The following LMNTD1 variants were observed in gnomAD, a reference collection of about 807,000 sequenced individuals.
The protein encoded by LMNTD1 is lamin tail domain containing 1.
Under a neutral mutation model 50.9 loss-of-function variants are expected in LMNTD1, and 35 were observed. The ratio of observed to expected loss-of-function variants is 0.69; its 90% CI spans 0.53 to 0.91. The LOEUF (loss-of-function observed/expected upper bound fraction) is 0.91. LMNTD1 is among the 40% of genes least tolerant of loss of function. LMNTD1 has a pLI of 0.00. For synonymous variants in LMNTD1, 153 were observed against 161.9 expected (o/e 0.94, Z 0.42); for missense variants, 470 against 475.5 (o/e 0.99, Z 0.11).
At chr12:25,478,659 C>T (rs1938347046) in intron 9 of LMNTD1, among the ~76,000 whole-genome samples, 1 of 152,078 alleles carries the variant, frequency 6.6e-6, no homozygotes, top group African/African-American at 2.4e-5. Context: ...TTCGTGGGTA[C>T]CGTGTAATCC....
rs1943632660 is a variant in LMNTD1, at chr12:25,549,495, C to T, written c.141G>A (p.Met47Ile). 1.9e-6 allele frequency: 3 copies of T among 1,613,018 alleles called. No homozygotes were observed. Among genetic ancestry groups the T allele is most frequent in the Admixed American group, 1.7e-5 (1 of 59,960 alleles). Reference sequence around the variant, plus strand: ...GCAGTGTTGTGGCAACTGAACCCAACATCTTTGGGGAAAAATGTACTAAAG... The same window carrying T: ...GCAGTGTTGTGGCAACTGAACCCAATATCTTTGGGGAAAAATGTACTAAAG... ...VYSLVHFSPKMLGSVATTLPL... is the reference protein window; with the variant it reads ...VYSLVHFSPKILGSVATTLPL... The change falls in exon 3 of 10, where the codon ATG becomes ATA. Residue 47 changes from methionine (M) to isoleucine (I), a missense_variant. By Grantham distance (10) the Met-to-Ile change is conservative (BLOSUM62 1). Transcript: ENST00000458174.
chr12:25,603,327 T>C (rs1212986356), intron 1 of LMNTD1, among the ~76,000 whole-genome samples: 1 of 152,082 alleles, frequency 6.6e-6, no homozygotes, highest in African/African-American at 2.4e-5. Flanking sequence ...CTCACTGTGT[T>C]GCCCAGGCCG....
chr12:25,623,278 G>A (rs964838369), intron 1 of LMNTD1, among the ~76,000 whole-genome samples: 8 of 151,802 alleles, frequency 5.3e-5, no homozygotes, highest in East Asian at 1.9e-4. Flanking sequence ...GGTCAGGCAC[G>A]GTGGCTCATG....
rs1377896978 is a variant in LMNTD1, at chr12:25,518,871, T to C, written c.1113A>G (p.Pro371=). 6.2e-7 allele frequency: 1 copy of C among 1,614,048 alleles called. No homozygotes were observed. Among genetic ancestry groups the C allele is most frequent in the Middle Eastern group, 1.6e-4 (1 of 6,062 alleles). The change falls in exon 8 of 10, where the codon CCA becomes CCG. Residue 371 remains proline (P), a synonymous_variant. Coordinates refer to ENST00000458174, the MANE Select transcript of LMNTD1 (RefSeq NM_001145728.2). ...SAHPYCPLIE[P]HNTSTAGGRL... ...TGCCTCCAGCGGTGGATGTATTGTG[T>C]GGTTCAATCAGAGGACAGTAAGGAT...
At chr12:25,615,512 A>C (rs1205759281) in intron 1 of LMNTD1, among the ~76,000 whole-genome samples, 1 of 151,450 alleles carries the variant, frequency 6.6e-6, no homozygotes, top group Non-Finnish European at 1.5e-5. Context: ...CCCAGGTTGC[A>C]GTAGAGTGGC....
At chr12:25,572,478 C>G (rs1944835648) in intron 1 of LMNTD1, among the ~76,000 whole-genome samples, 1 of 152,020 alleles carries the variant, frequency 6.6e-6, no homozygotes, top group Non-Finnish European at 1.5e-5. Flanking sequence ...GTACAGAAAT[C>G]CATCATTTTC....
At chr12:25,556,301 A>C (rs1372057185), upstream of LMNTD1, among the ~76,000 whole-genome samples, 1 of 152,128 alleles carries the variant, frequency 6.6e-6, no homozygotes, top group Non-Finnish European at 1.5e-5. Flanking sequence ...CTTTCACCAC[A>C]GCTCTAGAAG....
chr12:25,596,132 T>A (rs56104720), intron 1 of LMNTD1, among the ~76,000 whole-genome samples: 2 of 151,948 alleles, frequency 1.3e-5, no homozygotes, highest in Non-Finnish European at 2.9e-5. Context: ...CTGGACCAGA[T>A]GGATTCACAG....
chr12:25,603,562 G>T (rs759481357), intron 1 of LMNTD1, among the ~76,000 whole-genome samples: 1 of 151,906 alleles, frequency 6.6e-6, no homozygotes, highest in African/African-American at 2.4e-5. Flanking sequence ...CCCCTAAGAG[G>T]TAAGTACAGT....
chr12:25,523,159 T>C (rs1010494508), intron 6 of LMNTD1, among the ~76,000 whole-genome samples: 2 of 152,134 alleles, frequency 1.3e-5, no homozygotes, highest in South Asian at 4.2e-4. Context: ...TCAGCCTCCC[T>C]AGTAGCTGGG....
intron 4 of LMNTD1, among the ~76,000 whole-genome samples, chr12:25,537,498 C>T (rs1376659543): frequency 6.6e-6 from 1 of 152,134 alleles, no homozygotes; most frequent in African/African-American, 2.4e-5. Context: ...TCCAACAGAC[C>T]TGCAGCTGAG....
At chr12:25,626,751 A>T (rs965045321) in intron 1 of LMNTD1, among the ~76,000 whole-genome samples, 2 of 152,164 alleles carry the variant, frequency 1.3e-5, no homozygotes, top group Non-Finnish European at 2.9e-5. Flanking sequence ...GGGGAGTTCT[A>T]GGCAGTTGAT....
At chr12:25,605,873 A>T (rs1025663895) in intron 1 of LMNTD1, among the ~76,000 whole-genome samples, 1 of 152,168 alleles carries the variant, frequency 6.6e-6, no homozygotes, top group African/African-American at 2.4e-5. Context: ...CTATGAAGAA[A>T]GTCATTGGTA....
At chr12:25,647,641 G>A (rs907095761) in intron 1 of LMNTD1, among the ~76,000 whole-genome samples, 2 of 152,136 alleles carry the variant, frequency 1.3e-5, no homozygotes, top group African/African-American at 4.8e-5. Context: ...CTAGCATGTT[G>A]CATGGTTTCT....
intron 8 of LMNTD1, among the ~76,000 whole-genome samples, chr12:25,508,203 A>G (rs781780436): frequency 7.2e-5 from 11 of 152,184 alleles, no homozygotes; most frequent in Non-Finnish European, 1.6e-4. Context: ...AGCCAGTAAA[A>G]CATACTTGTA....
intron 8 of LMNTD1, among the ~76,000 whole-genome samples, chr12:25,505,539 T>C (rs1218732863): frequency 2.0e-5 from 3 of 152,154 alleles, no homozygotes; most frequent in Non-Finnish European, 4.4e-5. Context: ...TGCAGAAATA[T>C]GGTGACTTTT....
chr12:25,495,672 A>T (rs1273602052), intron 9 of LMNTD1, among the ~76,000 whole-genome samples: 1 of 152,212 alleles, frequency 6.6e-6, no homozygotes, highest in Non-Finnish European at 1.5e-5. Flanking sequence ...GTCCTGCATG[A>T]ACATCAACAT....
intron 1 of LMNTD1, among the ~76,000 whole-genome samples, chr12:25,622,107 C>T (rs1457846552): frequency 6.6e-6 from 1 of 152,194 alleles, no homozygotes; most frequent in Non-Finnish European, 1.5e-5. Flanking sequence ...AAGAGAGGAA[C>T]AGCCCCAATG....
intron 1 of LMNTD1, among the ~76,000 whole-genome samples, chr12:25,643,281 G>A (rs368463280): frequency 6.6e-6 from 1 of 152,134 alleles, no homozygotes; most frequent in South Asian, 2.1e-4. Context: ...TGACAAGAAG[G>A]AGCAAGACAT....
Sources: allele counts gnomAD v4.1 joint callset (sites outside exome capture counted in the v4.1 genomes callset), GRCh38; gene constraint gnomAD v4.1.1; transcripts MANE v1.5; gene names NCBI Gene and HGNC (gene_info 2026-07-23, HGNC 2026-07-21).